Variants in COL22A1 observed in about 807,000 individuals in gnomAD.
COL22A1 encodes collagen alpha-1(XXII) chain.
COL22A1 carries 221 observed loss-of-function variants against 248.9 expected under a neutral mutation model. That is an observed-to-expected ratio of 0.89 (90% CI 0.80 to 0.99). The LOEUF (loss-of-function observed/expected upper bound fraction) is 0.99, where lower values mean the gene tolerates loss of function less well. COL22A1 is among the 50% of genes least tolerant of loss of function. COL22A1 has a pLI of 0.00. For synonymous variants in COL22A1, 891 were observed against 793.4 expected (o/e 1.12, Z -2.07); for missense variants, 2,240 against 2,179.0 (o/e 1.03, Z -0.56).
chr8:138,614,429 A>T (rs1819145641), intron 55 of COL22A1, among the ~76,000 whole-genome samples: 1 of 152,232 alleles, frequency 6.6e-6, no homozygotes, highest in Non-Finnish European at 1.5e-5. Context: ...ATGGATAAAA[A>T]ATCAGAAACT....
intron 1 of COL22A1, among the ~76,000 whole-genome samples, chr8:138,886,914 T>C (rs915246194): frequency 5.3e-5 from 8 of 152,250 alleles, no homozygotes; most frequent in Admixed American, 5.2e-4. Context: ...TTTTTTTACT[T>C]TTTAAAATTG....
intron 3 of COL22A1, among the ~76,000 whole-genome samples, chr8:138,848,645 C>T (rs1426427352): frequency 1.2e-4 from 19 of 152,114 alleles, no homozygotes; most frequent in Non-Finnish European, 2.9e-5. Flanking sequence ...AGGGTACATG[C>T]AATTATTGAG....
At chr8:138,668,749 G>A (rs1243097502) in intron 41 of COL22A1, among the ~76,000 whole-genome samples, 2 of 152,218 alleles carry the variant, frequency 1.3e-5, no homozygotes, top group Non-Finnish European at 2.9e-5. Context: ...GTGGCTGCAT[G>A]GCATGGAGCC....
intron 50 of COL22A1, 146 bp downstream of exon 50, chr8:138,630,549 T>C: frequency 1.4e-6 from 1 of 708,252 alleles, no homozygotes; most frequent in South Asian, 1.7e-5. Context: ...TCCAGCAGTT[T>C]CATTGCAAGA....
chr8:138,716,886 A>T lies in COL22A1; in HGVS notation c.2356-17T>A. 1 of 1,597,696 alleles carries T rather than the reference A, an allele frequency of 6.3e-7. No individual in the cohort carries two copies. The highest frequency in any genetic ancestry group is 2.2e-5 in the East Asian group (1 of 44,764). ...AATTTCTCCCTGAAAATGCAATAAA[A>T]CATACCCCATTATTCTCCATTCACT... On this transcript the variant is annotated splice_polypyrimidine_tract_variant and intron_variant, in intron 27 of 64. Coordinates refer to ENST00000303045, the MANE Select transcript of COL22A1 (RefSeq NM_152888.3).
chr8:138,780,979 CCCT>C lies in COL22A1; in HGVS notation c.1597-2_1597del. 1.3e-6 allele frequency: 2 copies of C among 1,594,274 alleles called. No individual in the cohort carries two copies. Among genetic ancestry groups the C allele is most frequent in the Non-Finnish European group, 8.5e-7 (1 of 1,173,184 alleles). On this transcript the variant is annotated splice_acceptor_variant and coding_sequence_variant, in exon 13 of 65. Transcript: ENST00000303045. LOFTEE classifies it high-confidence loss of function. ...AGGGGGGCCGGGCAGGCCCAGGGAACCCTAAAGCCAAAAAAAGAGAATAGCAAT... is the reference window on the plus strand; with the variant it reads ...AGGGGGGCCGGGCAGGCCCAGGGAACAAAGCCAAAAAAAGAGAATAGCAAT...
chr8:138,632,159 G>A (rs1327169678), intron 49 of COL22A1, among the ~76,000 whole-genome samples: 6 of 152,122 alleles, frequency 3.9e-5, no homozygotes, highest in South Asian at 2.1e-4. Flanking sequence ...GGAGCAATGC[G>A]GCAATGCTTA....
chr8:138,774,055 T>A (rs1477303372), intron 16 of COL22A1, among the ~76,000 whole-genome samples: 1 of 152,000 alleles, frequency 6.6e-6, no homozygotes, highest in African/African-American at 2.4e-5. Flanking sequence ...GTCCTCACCA[T>A]GTGAGGGAAG....
chr8:138,764,436 AG>A (rs1833762191), intron 16 of COL22A1, among the ~76,000 whole-genome samples: 1 of 152,192 alleles, frequency 6.6e-6, no homozygotes, highest in African/African-American at 2.4e-5. Flanking sequence ...CTCCAAGTGC[AG>A]GAAACCAGTG....
intron 16 of COL22A1, among the ~76,000 whole-genome samples, chr8:138,769,218 G>C (rs1219958003): frequency 6.6e-6 from 1 of 152,152 alleles, no homozygotes; most frequent in Admixed American, 6.5e-5. Context: ...TGATGCTCAT[G>C]ACATGAATGG....
At chr8:138,608,485 A>T (rs1005996011) in intron 56 of COL22A1, among the ~76,000 whole-genome samples, 3 of 152,290 alleles carry the variant, frequency 2.0e-5, no homozygotes, top group African/African-American at 7.2e-5. Flanking sequence ...GTAGATACTG[A>T]GGCACAGAGA....
rs549434448 is a variant in COL22A1, at chr8:138,660,241, C to T, written c.3285+195G>A. Among the ~76,000 whole-genome samples the T allele has an allele frequency of 1.2e-3, 180 of 152,348 alleles. 1 individual carries two copies. Among genetic ancestry groups the T allele is most frequent in the South Asian group, 9.9e-3 (48 of 4,830 alleles). On this transcript the variant is annotated intron_variant, in intron 44 of 64. Transcript: ENST00000303045. Reference sequence around the variant, plus strand: ...TCTACTCTCCCTGGGCTTTGAAAACCGGCATAATGGTGGTAACGACTTCCC... The same window carrying T: ...TCTACTCTCCCTGGGCTTTGAAAACTGGCATAATGGTGGTAACGACTTCCC...
chr8:138,819,330 T>A (rs1355203672), intron 7 of COL22A1, among the ~76,000 whole-genome samples: 1 of 152,052 alleles, frequency 6.6e-6, no homozygotes, highest in Non-Finnish European at 1.5e-5. Flanking sequence ...CTAGAAATCA[T>A]TCAGTAAATA....
chr8:138,708,991 A>G (rs1828717466), intron 30 of COL22A1, among the ~76,000 whole-genome samples: 2 of 152,374 alleles, frequency 1.3e-5, no homozygotes, highest in South Asian at 4.1e-4. Flanking sequence ...ATGAACAGAC[A>G]CTTCTCAAAA....
At chr8:138,831,763 C>T (rs1165293505) in intron 5 of COL22A1, among the ~76,000 whole-genome samples, 2 of 147,590 alleles carry the variant, frequency 1.4e-5, no homozygotes, top group South Asian at 4.4e-4. Context: ...TCTTCCTGGC[C>T]TTTTAGTTTA....
intron 30 of COL22A1, among the ~76,000 whole-genome samples, chr8:138,708,954 A>C (rs200566731): frequency 2.0e-5 from 3 of 152,120 alleles, no homozygotes; most frequent in Non-Finnish European, 2.9e-5. Flanking sequence ...AAAAATCAAA[A>C]AACCCCATCA....
intron 16 of COL22A1, among the ~76,000 whole-genome samples, chr8:138,766,431 A>G (rs1168918821): frequency 1.3e-5 from 2 of 151,160 alleles, no homozygotes; most frequent in Non-Finnish European, 2.9e-5. Flanking sequence ...AATAAGTGAG[A>G]AAGAGAAGAG....
chr8:138,767,645 C>T (rs1378442344), intron 16 of COL22A1, among the ~76,000 whole-genome samples: 5 of 152,208 alleles, frequency 3.3e-5, no homozygotes, highest in Admixed American at 6.5e-5. Flanking sequence ...ACATTTCAAG[C>T]GATCGTATGG....
chr8:138,871,861 G>A (rs1238963166), intron 3 of COL22A1, among the ~76,000 whole-genome samples: 1 of 152,170 alleles, frequency 6.6e-6, no homozygotes, highest in African/African-American at 2.4e-5. Context: ...AGACTTTCAA[G>A]TGAACCTCAT....
Sources: gnomAD v4.1 joint callset for allele counts (sites outside exome capture counted in the v4.1 genomes callset) on GRCh38, gnomAD v4.1.1 for gene constraint, MANE v1.5 for transcripts, NCBI Gene and HGNC (gene_info 2026-07-23, HGNC 2026-07-21) for gene names.